Variants in GRM5 observed in about 807,000 individuals in gnomAD.
GRM5 encodes the protein metabotropic glutamate receptor 5.
In GRM5, 19 loss-of-function variants were observed where a neutral mutation model predicts 83.1. The ratio of observed to expected loss-of-function variants is 0.23; its 90% confidence interval spans 0.16 to 0.34. The LOEUF (loss-of-function observed/expected upper bound fraction) is 0.34, where lower values mean the gene tolerates loss of function less well. GRM5 is among the 10% of genes least tolerant of loss of function. The pLI is 1.00. For missense variants in GRM5, 1,160 were observed against 1,588.3 expected, an observed-to-expected ratio of 0.73 and a Z score of 4.58; for synonymous variants, 675 against 633.6, an observed-to-expected ratio of 1.07 and a Z score of -0.98.
intron 2 of GRM5, among the ~76,000 whole-genome samples, chr11:88,987,333 A>G (rs1402210613): frequency 6.6e-6 from 1 of 152,120 alleles, no homozygotes; most frequent in Non-Finnish European, 1.5e-5. Context: ...ACGAGATTAT[A>G]TCCCCCAGCT....
chr11:88,930,598 CCTCACTGCAACCTCTGGTTG>C (rs530153257), intron 2 of GRM5, among the ~76,000 whole-genome samples: 258 of 152,040 alleles, frequency 1.7e-3, no homozygotes, highest in South Asian at 7.0e-3. Flanking sequence ...ATCACTGCAA[CCTCACTGCAACCTCTGGTTG>C]CTCACTGCAA....
At chr11:88,860,582 C>T (rs1035194320) in intron 2 of GRM5, among the ~76,000 whole-genome samples, 1 of 152,132 alleles carries the variant, frequency 6.6e-6, no homozygotes, top group African/African-American at 2.4e-5. Flanking sequence ...ACTCTTCATG[C>T]TTGACAGCTT....
intron 3 of GRM5, among the ~76,000 whole-genome samples, chr11:88,724,476 A>G (rs1941627066): frequency 6.6e-6 from 1 of 152,038 alleles, no homozygotes; most frequent in Non-Finnish European, 1.5e-5. Flanking sequence ...TCTAGATAGT[A>G]TGTTTTGTGA....
chr11:88,728,709 G>C (rs569280904), intron 3 of GRM5, among the ~76,000 whole-genome samples: 1 of 152,100 alleles, frequency 6.6e-6, no homozygotes, highest in Non-Finnish European at 1.5e-5. Context: ...GGGATGCAAG[G>C]CTGGTTCAAC....
At chr11:88,598,907 C>T (rs1937896161) in intron 5 of GRM5, among the ~76,000 whole-genome samples, 2 of 152,208 alleles carry the variant, frequency 1.3e-5, no homozygotes, top group African/African-American at 4.8e-5. Flanking sequence ...TTAGTTCACA[C>T]TGTTAATTTT....
At chr11:89,053,767 T>C (rs1941811430) in intron 1 of GRM5, among the ~76,000 whole-genome samples, 2 of 150,362 alleles carry the variant, frequency 1.3e-5, no homozygotes, top group Non-Finnish European at 3.0e-5. Flanking sequence ...CAAAGAAGCA[T>C]AAACTGAAAA....
intron 7 of GRM5, among the ~76,000 whole-genome samples, chr11:88,582,136 T>A (rs1251753814): frequency 6.6e-6 from 1 of 152,184 alleles, no homozygotes; most frequent in Non-Finnish European, 1.5e-5. Context: ...CTTAATGTAT[T>A]GAAATTGCCT....
intron 8 of GRM5, among the ~76,000 whole-genome samples, chr11:88,543,760 A>G (rs2135135865): frequency 6.6e-6 from 1 of 150,806 alleles, no homozygotes; most frequent in South Asian, 2.1e-4. Context: ...TGAATTTATT[A>G]TGAAGAGAAA....
At chr11:88,960,453 CT>C (rs1565310363) in intron 2 of GRM5, among the ~76,000 whole-genome samples, 1 of 152,132 alleles carries the variant, frequency 6.6e-6, no homozygotes, top group East Asian at 1.9e-4. Context: ...TCTAAACCAC[CT>C]TTGGGCAAAG....
At chr11:88,841,094 G>T (rs536715180) in intron 3 of GRM5, among the ~76,000 whole-genome samples, 5 of 152,120 alleles carry the variant, frequency 3.3e-5, no homozygotes, top group Non-Finnish European at 7.4e-5. Flanking sequence ...TCAAAAAACA[G>T]GAGGGTTAGC....
chr11:88,568,420 C>G (rs1942917048), intron 7 of GRM5, among the ~76,000 whole-genome samples: 1 of 151,984 alleles, frequency 6.6e-6, no homozygotes, highest in African/African-American at 2.4e-5. Context: ...ATGGGCTTGG[C>G]AAACTTACAG....
At chr11:88,575,188 G>T (rs184635226) in intron 7 of GRM5, among the ~76,000 whole-genome samples, 3 of 151,990 alleles carry the variant, frequency 2.0e-5, no homozygotes, top group Non-Finnish European at 2.9e-5. Flanking sequence ...ACAGGAAGCT[G>T]CCATATTCCT....
At chr11:88,795,627 A>G (rs1943261967) in intron 3 of GRM5, among the ~76,000 whole-genome samples, 1 of 152,208 alleles carries the variant, frequency 6.6e-6, no homozygotes, top group Non-Finnish European at 1.5e-5. Flanking sequence ...AGTGTTCAAG[A>G]TATCATGACA....
At chr11:88,803,745 G>T (rs11021369) in intron 3 of GRM5, among the ~76,000 whole-genome samples, 3 of 151,466 alleles carry the variant, frequency 2.0e-5, no homozygotes, top group African/African-American at 7.3e-5. Flanking sequence ...AGAGTGAACA[G>T]GCAACCTACA....
At chr11:88,522,810 A>G (rs1941739353) in intron 9 of GRM5, 1 of 152,178 alleles carries the variant, frequency 6.6e-6, no homozygotes, top group Non-Finnish European at 1.5e-5. Context: ...AGGATATATC[A>G]GTGTAATAAG....
At chr11:89,060,712 T>G (rs1165103251) in intron 1 of GRM5, among the ~76,000 whole-genome samples, 2 of 152,202 alleles carry the variant, frequency 1.3e-5, no homozygotes, top group East Asian at 3.9e-4. Context: ...CTCCTATGAA[T>G]TTAAAGGAAA....
chr11:88,912,887 C>G (rs1381131813), intron 2 of GRM5, among the ~76,000 whole-genome samples: 2 of 152,142 alleles, frequency 1.3e-5, no homozygotes, highest in Admixed American at 1.3e-4. Flanking sequence ...CCCTTAAATG[C>G]CTGATGGAGG....
At chr11:88,982,019 T>C (rs1220899857) in intron 2 of GRM5, among the ~76,000 whole-genome samples, 1 of 152,214 alleles carries the variant, frequency 6.6e-6, no homozygotes, top group Admixed American at 6.5e-5. Context: ...TTATGATGTA[T>C]TGCTCCAACA....
chr11:88,744,705 C>G (rs1263794992), intron 3 of GRM5, among the ~76,000 whole-genome samples: 1 of 152,084 alleles, frequency 6.6e-6, no homozygotes. Flanking sequence ...AAAGGTGGCT[C>G]ATTTGGTGAA....
Sources: gnomAD v4.1 joint callset for allele counts (sites outside exome capture counted in the v4.1 genomes callset) on GRCh38, gnomAD v4.1.1 for gene constraint, MANE v1.5 for transcripts, NCBI Gene and HGNC (gene_info 2026-07-23, HGNC 2026-07-21) for gene names.